Variants in GRAMD4 observed in about 807,000 individuals in gnomAD.
GRAMD4 encodes GRAM domain containing 4.
Under a neutral mutation model 83.9 loss-of-function variants are expected in GRAMD4, and 25 were observed. That is an observed-to-expected ratio of 0.30 (90% confidence interval 0.22 to 0.42). GRAMD4 has a LOEUF of 0.42. GRAMD4 is among the 10% of genes least tolerant of loss of function. GRAMD4 has a pLI of 1.00. For missense variants in GRAMD4, 593 were observed against 788.7 expected (o/e 0.75, Z 2.97); for synonymous variants, 336 against 320.9 (o/e 1.05, Z -0.50).
Position 46,595,722 on chromosome 22 carries a change from G to A in GRAMD4, c.-50+18432G>A, listed in dbSNP as rs79822366. ...GCAGGGACCCCTGCGGCCGGTCAGGGGGCCAAGATGGGGACACCCAGAGAA... is the reference window on the plus strand; with the variant it reads ...GCAGGGACCCCTGCGGCCGGTCAGGAGGCCAAGATGGGGACACCCAGAGAA... On this transcript the variant is annotated intron_variant, in intron 1 of 1. Coordinates refer to the GRAMD4 transcript ENST00000431155. 4.3e-3 allele frequency among the ~76,000 whole-genome samples: 648 copies of A among 152,360 alleles called. 3 individuals carry two copies. Among genetic ancestry groups the A allele is most frequent in the African/African-American group, 0.015 (616 of 41,594 alleles).
In GRAMD4 at chr22:46,635,134, C is replaced by T. The variant is rs1427177968; in HGVS notation, c.163-2706C>T. ...CCCCAGCCACTCCTGTCCTGGGGAA[C>T]CGTGTCCTCCCTGCCTCCACCCCTG... On this transcript the variant is annotated intron_variant, in intron 2 of 18. Coordinates refer to ENST00000406902, the MANE Select transcript of GRAMD4 (RefSeq NM_015124.5). 2.1e-5 allele frequency among the ~76,000 whole-genome samples: 3 copies of T among 143,514 alleles called. No individual in the cohort carries two copies. In the South Asian group the frequency reaches 6.7e-4, roughly 32 times the overall value. 94.2% of individuals were successfully genotyped at this position (143,514 alleles called of 152,430 possible).
At chr22:46,582,424 C>A (rs151238658) in intron 1 of GRAMD4, among the ~76,000 whole-genome samples, 2,752 of 152,252 alleles carry the variant, frequency 0.018, 80 homozygotes, top group African/African-American at 0.063. Context: ...CCACGTCCCC[C>A]CTCCAGGGAG....
intron 2 of GRAMD4, among the ~76,000 whole-genome samples, chr22:46,629,696 T>C (rs1274105727): frequency 6.6e-6 from 1 of 152,220 alleles, no homozygotes; most frequent in African/African-American, 2.4e-5. Flanking sequence ...ACTAAAAGTG[T>C]GCGACTCAGG....
At chr22:46,592,574 T>C (rs1384569338) in intron 1 of GRAMD4, among the ~76,000 whole-genome samples, 1 of 152,186 alleles carries the variant, frequency 6.6e-6, no homozygotes, top group Non-Finnish European at 1.5e-5. Flanking sequence ...TTCAGTTACT[T>C]TCCTGAATGT....
intron 1 of GRAMD4, among the ~76,000 whole-genome samples, chr22:46,604,303 G>A (rs2081344311): frequency 6.6e-6 from 1 of 152,048 alleles, no homozygotes; most frequent in Non-Finnish European, 1.5e-5. Flanking sequence ...AAAATCTGTT[G>A]TTTTTCTTTT....
chr22:46,660,203 T>C (rs2082307099), intron 4 of GRAMD4, among the ~76,000 whole-genome samples: 1 of 152,114 alleles, frequency 6.6e-6, no homozygotes. Flanking sequence ...AGTCTCTGCC[T>C]TGGGAATGGG....
At chr22:46,599,284 G>T (rs2081290213) in intron 1 of GRAMD4, among the ~76,000 whole-genome samples, 1 of 152,046 alleles carries the variant, frequency 6.6e-6, no homozygotes, top group Non-Finnish European at 1.5e-5. Context: ...TTCAGACGTT[G>T]AGCTGGTCGT....
chr22:46,647,203 G>A (rs556216586), intron 3 of GRAMD4, among the ~76,000 whole-genome samples: 1 of 152,312 alleles, frequency 6.6e-6, no homozygotes, highest in African/African-American at 2.4e-5. Flanking sequence ...CTACAGAAGG[G>A]AGCAGACAGG....
At chr22:46,664,173 C>A in intron 8 of GRAMD4, 56 bp downstream of exon 8, 1 of 1,261,636 alleles carries the variant, frequency 7.9e-7, no homozygotes, top group South Asian at 1.2e-5. Flanking sequence ...TGCCAGCATT[C>A]ACCACATGAT....
chr22:46,657,208 G>T (rs1409649316), intron 3 of GRAMD4, among the ~76,000 whole-genome samples: 1 of 152,220 alleles, frequency 6.6e-6, no homozygotes, highest in Non-Finnish European at 1.5e-5. Flanking sequence ...AGTGGCCCAG[G>T]CCTCTGAGAA....
At position 46,622,469 on chromosome 22, in the gene GRAMD4, A is replaced by G. The variant is rs1371236246; in HGVS notation, c.-50+1904A>G. On this transcript the variant is annotated intron_variant, in intron 1 of 18. Transcript: ENST00000406902. This position sits in a 1 kb window ranked among gnomAD's most constrained non-coding sequence, Gnocchi z 4.0. ...CGTTCATCCTTCCTTTTTAAACATT[A>G]AAAAGCAGTAAAAATGGTGGTTACC... Among the ~76,000 whole-genome samples, 1 of 152,212 alleles carries G rather than the reference A, an allele frequency of 6.6e-6. No individual in the cohort carries two copies. Among genetic ancestry groups the G allele is most frequent in the Non-Finnish European group, 1.5e-5 (1 of 68,046 alleles).
In GRAMD4 at chr22:46,672,928, T is replaced by C. The variant is rs149535995; in HGVS notation, c.1170T>C (p.Tyr390=). The change falls in exon 14 of 19, where the codon TAT becomes TAC. Residue 390 remains tyrosine (Y), a synonymous_variant. Transcript: ENST00000406902. The surrounding 1 kb of genome is among the most constrained non-coding windows in gnomAD (Gnocchi z 4.7). ...PRLRAKYDTP[Y]IIWRSLPTDP... is the part of the protein sequence containing the mutation. ...TGCGCGCCAAGTACGACACGCCCTA[T>C]ATCATCTGGAGGAGTCTCCCCACCG... 16 of 1,611,780 alleles carry C rather than the reference T, an allele frequency of 9.9e-6. No homozygotes were observed. The African/African-American group carries it at 2.1e-4, about 22-fold the overall frequency.
chr22:46,576,865 G>A (rs1323963418), upstream of GRAMD4, among the ~76,000 whole-genome samples: 1 of 142,074 alleles, frequency 7.0e-6, no homozygotes, highest in South Asian at 2.1e-4. Flanking sequence ...GCGGCCGCGC[G>A]TGCGCGTGGG....
In GRAMD4 at chr22:46,626,985, G is replaced by A. The variant is rs754992029; in HGVS notation, c.162+24G>A. ...CTGTGAGTACCTGTCCTCGTCCCCC[G>A]GTGTGGGCTGGGGTGTCGTCCCCGT... On this transcript the variant is annotated intron_variant, in intron 2 of 18. Coordinates refer to ENST00000406902, the MANE Select transcript of GRAMD4 (RefSeq NM_015124.5). 5.1e-6 allele frequency: 8 copies of A among 1,558,992 alleles called. No homozygotes were observed. In the South Asian group the frequency reaches 6.7e-5, roughly 13 times the overall value.
intron 2 of GRAMD4, among the ~76,000 whole-genome samples, chr22:46,632,406 A>G (rs1235419812): frequency 6.6e-6 from 1 of 152,212 alleles, no homozygotes; most frequent in Admixed American, 6.5e-5. Context: ...CAGTTGAGGC[A>G]AAAGTTGGAG....
chr22:46,677,102 A>G (rs2147433891), intron 18 of GRAMD4, 45 bp from the exon 19 acceptor site: 3 of 1,607,322 alleles, frequency 1.9e-6, no homozygotes, highest in Non-Finnish European at 2.5e-6. Flanking sequence ...TCCTGGCGCC[A>G]GCCTGGCTGT....
chr22:46,669,059 A>G, intron 13 of GRAMD4, 151 bp downstream of exon 13: 1 of 608,842 alleles, frequency 1.6e-6, no homozygotes, highest in Non-Finnish European at 2.9e-6. Flanking sequence ...ATTTGGGAGA[A>G]GTGAAGCCCA....
chr22:46,630,500 T>C (rs2081752958), intron 2 of GRAMD4, among the ~76,000 whole-genome samples: 1 of 152,232 alleles, frequency 6.6e-6, no homozygotes, highest in African/African-American at 2.4e-5. Context: ...CGCATTCTCA[T>C]GTGCAGCCGC....
intron 1 of GRAMD4, among the ~76,000 whole-genome samples, chr22:46,594,470 G>T (rs1329156113): frequency 6.6e-6 from 1 of 152,126 alleles, no homozygotes; most frequent in African/African-American, 2.4e-5. Flanking sequence ...TTGTGGGGTG[G>T]CGGGAGCACT....
Sources: gnomAD v4.1 joint callset for allele counts (sites outside exome capture counted in the v4.1 genomes callset) on GRCh38, gnomAD v4.1.1 for gene constraint, Gnocchi (gnomAD v3.1) non-coding constraint, MANE v1.5 for transcripts, NCBI Gene and HGNC (gene_info 2026-07-23, HGNC 2026-07-21) for gene names.